Variants in PDE4B observed in about 807,000 individuals in gnomAD.
PDE4B encodes the protein 3',5'-cyclic-AMP phosphodiesterase 4B.
A neutral mutation model predicts 82.2 loss-of-function variants in PDE4B; 20 were observed. The observed-to-expected ratio is 0.24, with a 90% confidence interval of 0.17 to 0.35. The LOEUF is 0.35. Among genes scored for constraint, PDE4B ranks in the 10% least tolerant of loss-of-function variants. The pLI is 1.00. For synonymous variants in PDE4B, 320 were observed against 318.9 expected, an observed-to-expected ratio of 1.00 and a Z score of -0.04; for missense variants, 655 against 907.2, an observed-to-expected ratio of 0.72 and a Z score of 3.57.
At chr1:65,958,762 G>GCACA (rs200417629) in intron 3 of PDE4B, among the ~76,000 whole-genome samples, 42 of 148,052 alleles carry the variant, frequency 2.8e-4, no homozygotes, top group South Asian at 2.3e-3. Context: ...GCGCGCGCGC[G>GCACA]CGCACACACA....
chr1:66,118,572 G>C (rs558662890), intron 3 of PDE4B, among the ~76,000 whole-genome samples: 1 of 152,120 alleles, frequency 6.6e-6, no homozygotes, highest in East Asian at 1.9e-4. Context: ...GTTGTGGGGT[G>C]GGGGGAAGGG....
chr1:66,298,717 C>T (rs1657680645), intron 7 of PDE4B, among the ~76,000 whole-genome samples: 2 of 152,030 alleles, frequency 1.3e-5, no homozygotes, highest in South Asian at 4.1e-4. Context: ...TTTTAGTTTT[C>T]CACTTGTACA....
At chr1:65,853,451 T>G (rs1337548113) in intron 1 of PDE4B, among the ~76,000 whole-genome samples, 1 of 152,158 alleles carries the variant, frequency 6.6e-6, no homozygotes, top group Non-Finnish European at 1.5e-5. Flanking sequence ...TTTTATTCTT[T>G]TTGTGACTTC....
intron 3 of PDE4B, among the ~76,000 whole-genome samples, chr1:66,193,030 TA>T (rs1222579948): frequency 6.6e-6 from 1 of 152,202 alleles, no homozygotes; most frequent in Non-Finnish European, 1.5e-5. Context: ...GAAGAATTGC[TA>T]AATTGACACA....
chr1:66,081,407 T>C (rs1171588824), intron 3 of PDE4B, among the ~76,000 whole-genome samples: 1 of 152,146 alleles, frequency 6.6e-6, no homozygotes, highest in Non-Finnish European at 1.5e-5. Flanking sequence ...AGGTCTACAC[T>C]TTCCACATAG....
chr1:66,018,827 A>C (rs897518811), intron 3 of PDE4B, among the ~76,000 whole-genome samples: 1 of 152,226 alleles, frequency 6.6e-6, no homozygotes, highest in African/African-American at 2.4e-5. Context: ...GAATGTGTTA[A>C]GGCAGATAAT....
intron 1 of PDE4B, among the ~76,000 whole-genome samples, chr1:65,828,759 T>C (rs958400890): frequency 1.3e-5 from 2 of 152,176 alleles, no homozygotes; most frequent in African/African-American, 4.8e-5. Flanking sequence ...TGTTAAAATA[T>C]GTAATTATAA....
intron 3 of PDE4B, among the ~76,000 whole-genome samples, chr1:66,090,657 GTA>G (rs1480707214): frequency 2.5e-5 from 1 of 39,722 alleles, no homozygotes; most frequent in East Asian, 9.2e-4. Context: ...GTATATATAT[GTA>G]TGTATATATG....
intron 3 of PDE4B, among the ~76,000 whole-genome samples, chr1:66,090,617 A>AGTGTG (rs1342550461): frequency 1.3e-3 from 24 of 18,322 alleles, no homozygotes; most frequent in South Asian, 3.4e-3. Flanking sequence ...TATGTATATA[A>AGTGTG]TATATGTGTG....
chr1:66,129,647 G>A (rs1482581030), intron 3 of PDE4B, among the ~76,000 whole-genome samples: 1 of 124,460 alleles, frequency 8.0e-6, no homozygotes, highest in South Asian at 2.8e-4. Context: ...GCGACAGAGC[G>A]AGACTCCGTC....
intron 1 of PDE4B, among the ~76,000 whole-genome samples, chr1:65,845,006 A>C (rs10127957): frequency 0.53 from 80,659 of 151,950 alleles, 21,628 homozygotes; most frequent in Non-Finnish European, 0.57. Flanking sequence ...CCAGCTGCTG[A>C]ATTTGCAACT....
intron 1 of PDE4B, among the ~76,000 whole-genome samples, chr1:65,859,273 A>G (rs1484281608): frequency 1.3e-5 from 2 of 152,086 alleles, no homozygotes; most frequent in Admixed American, 6.6e-5. Context: ...TTACATTTAC[A>G]TTGGAACAAA....
chr1:65,918,973 A>G (rs938010199), intron 3 of PDE4B, 138 bp downstream of exon 3: 5 of 630,180 alleles, frequency 7.9e-6, no homozygotes, highest in Admixed American at 2.7e-5. Flanking sequence ...GTTTCCCTTT[A>G]GAATCAAAGA....
intron 7 of PDE4B, among the ~76,000 whole-genome samples, chr1:66,304,467 A>G (rs958659943): frequency 6.6e-6 from 1 of 152,130 alleles, no homozygotes; most frequent in African/African-American, 2.4e-5. Context: ...GCTAAAGCCT[A>G]AACTCCTTAA....
At chr1:65,944,717 C>G (rs1257369107) in intron 3 of PDE4B, among the ~76,000 whole-genome samples, 1 of 151,846 alleles carries the variant, frequency 6.6e-6, no homozygotes, top group Non-Finnish European at 1.5e-5. Context: ...AGCAATTAAG[C>G]ATACTGCAGG....
rs922737658 is a variant in PDE4B, at chr1:66,220,370, C to G, written c.282-27090C>G. On this transcript the variant is annotated intron_variant, in intron 3 of 16. Transcript: ENST00000341517. ...AAACATTTTGTAGTTTCTAAATTGT[C>G]TCTTCATAAGTTCCAAGGGATAAAG... is the stretch of plus-strand genomic sequence containing the variant. Among the ~76,000 whole-genome samples, 4 of 152,142 alleles carry G rather than the reference C, an allele frequency of 2.6e-5. No individual in the cohort carries two copies. In the East Asian group the frequency reaches 7.7e-4, roughly 29 times the overall value.
chr1:66,171,001 C>T, intron 3 of PDE4B, among the ~76,000 whole-genome samples: 1 of 152,144 alleles, frequency 6.6e-6, no homozygotes, highest in East Asian at 1.9e-4. Context: ...TCGTGGCTGG[C>T]ATAATTTTTG....
intron 1 of PDE4B, among the ~76,000 whole-genome samples, chr1:65,864,800 G>A (rs370064341): frequency 3.9e-5 from 6 of 152,140 alleles, no homozygotes; most frequent in African/African-American, 1.2e-4. Context: ...AGTGTCTGTC[G>A]ACCCCTGTTG....
chr1:66,107,030 A>G (rs1187863532), intron 3 of PDE4B, among the ~76,000 whole-genome samples: 1 of 147,506 alleles, frequency 6.8e-6, no homozygotes, highest in Non-Finnish European at 1.5e-5. Context: ...TTGTGATGTT[A>G]GGGTGTCAAT....
Sources: gnomAD v4.1 joint callset for allele counts (sites outside exome capture counted in the v4.1 genomes callset) on GRCh38, gnomAD v4.1.1 for gene constraint, MANE v1.5 for transcripts, NCBI Gene and HGNC (gene_info 2026-07-23, HGNC 2026-07-21) for gene names.